The following FCRL3 variants were observed in gnomAD, a reference collection of about 807,000 sequenced individuals.
FCRL3 encodes the protein Fc receptor-like protein 3.
FCRL3 carries 89 observed loss-of-function variants against 75.0 expected under a neutral mutation model. That is an observed-to-expected ratio of 1.19 (90% CI 1.00 to 1.42). The LOEUF (loss-of-function observed/expected upper bound fraction) is 1.42, where lower values mean the gene tolerates loss of function less well. Among genes scored for constraint, FCRL3 ranks in the 40% most tolerant of loss-of-function variants. FCRL3 has a pLI of 0.00. For missense variants in FCRL3, 946 were observed against 880.0 expected (o/e 1.07, Z -0.95); for synonymous variants, 376 against 348.5 (o/e 1.08, Z -0.88).
rs1467228691 is a variant in FCRL3, at chr1:157,695,627, T to A, written c.1133-20A>T. The A allele has an allele frequency of 6.3e-7, 1 of 1,578,062 alleles. No individual in the cohort carries two copies. Among genetic ancestry groups the A allele is most frequent in the African/African-American group, 1.4e-5 (1 of 73,836 alleles). On this transcript the variant is annotated intron_variant, in intron 7 of 14. Coordinates refer to ENST00000368184, the MANE Select transcript of FCRL3 (RefSeq NM_052939.4). The stretch of plus-strand genomic sequence containing the variant: ...CCGGAACTGAAGGAGACAAAAGGGC[T>A]GTCAGAGGATTCTGACGTTGTGACA...
chr1:157,676,798 T>A lies in FCRL3; in HGVS notation c.*1912A>T, dbSNP rs775586685. 4.1e-5 allele frequency: 63 copies of A among 1,549,678 alleles called. No homozygotes were observed. The highest frequency in any genetic ancestry group is 5.1e-5 in the Non-Finnish European group (58 of 1,146,620). On this transcript the variant is annotated 3_prime_UTR_variant, in exon 15 of 15. Coordinates refer to ENST00000368184, the MANE Select transcript of FCRL3 (RefSeq NM_052939.4). ...AAAATGGATAAACAATGATAAGAGATGACAGGTCCCTTAGAGAAAGTTCAC... is the reference window on the plus strand; with the variant it reads ...AAAATGGATAAACAATGATAAGAGAAGACAGGTCCCTTAGAGAAAGTTCAC...
intron 8 of FCRL3, among the ~76,000 whole-genome samples, chr1:157,693,274 C>CA (rs375572340): frequency 0.34 from 18,172 of 53,952 alleles, 2,577 homozygotes; most frequent in Non-Finnish European, 0.39. Context: ...GACTCCATCT[C>CA]AAAAAAAAAA....
intron 9 of FCRL3, 21 bp from the exon 10 acceptor site, chr1:157,689,938 T>C (rs2101607535): frequency 6.2e-7 from 1 of 1,612,726 alleles, no homozygotes; most frequent in Non-Finnish European, 8.5e-7. Context: ...GGAGCTGTAC[T>C]TGAGTTTCAG....
At chr1:157,697,535 G>T in intron 5 of FCRL3, 111 bp from the exon 6 acceptor site, 2 of 1,462,348 alleles carry the variant, frequency 1.4e-6, no homozygotes, top group Non-Finnish European at 1.8e-6. Flanking sequence ...CATGCAGAAG[G>T]AACCATCTCC....
At chr1:157,698,741 G>A in intron 3 of FCRL3, 112 bp from the exon 4 acceptor site, 1 of 1,076,058 alleles carries the variant, frequency 9.3e-7, no homozygotes, top group Non-Finnish European at 1.3e-6. Context: ...TTCCAGTCAG[G>A]ACCAGGGTGG....
chr1:157,681,324 G>T (rs1654826253), intron 11 of FCRL3, among the ~76,000 whole-genome samples: 1 of 151,334 alleles, frequency 6.6e-6, no homozygotes, highest in Non-Finnish European at 1.5e-5. Context: ...TATGTGCCAT[G>T]CTGGTGTCCT....
At position 157,678,508 on chromosome 1, in the gene FCRL3, T is replaced by G. The variant is rs1218870069; in HGVS notation, c.*202A>C. ...TCCACTGTGAAAATAACACAGTGCT[T>G]GCTCAGAGGCTGCCTGCTCTCTTCC... On this transcript the variant is annotated 3_prime_UTR_variant, in exon 15 of 15. Transcript: ENST00000368184. 1 of 1,419,786 alleles carries G rather than the reference T, an allele frequency of 7.0e-7. No homozygotes were observed. The highest frequency in any genetic ancestry group is 1.4e-5 in the African/African-American group (1 of 69,392). The allele number at this position is 1,419,786 out of a possible 1,614,324, so 87.9% of individuals were successfully genotyped here. A position where few individuals can be genotyped will look rare whatever the true frequency, so the allele number is the denominator to read the frequency against.
At chr1:157,699,203 C>T (rs2210913) in intron 3 of FCRL3, among the ~76,000 whole-genome samples, 84,079 of 152,006 alleles carry the variant, frequency 0.55, 25,957 homozygotes, top group African/African-American at 0.85. Flanking sequence ...GATGGGTTGC[C>T]TGAGAAGTCA....
intron 8 of FCRL3, chr1:157,691,638 G>A (rs1655550621): frequency 6.6e-6 from 1 of 152,186 alleles, no homozygotes; most frequent in African/African-American, 2.4e-5. Flanking sequence ...CTTCTGTATA[G>A]CCTCTAAATA....
intron 11 of FCRL3, 51 bp downstream of exon 11, chr1:157,683,166 C>T: frequency 6.3e-7 from 1 of 1,589,704 alleles, no homozygotes; most frequent in Non-Finnish European, 8.6e-7. Context: ...AAGTCTCGTG[C>T]ATATAAATAA....
intron 10 of FCRL3, among the ~76,000 whole-genome samples, chr1:157,687,378 A>C (rs1352851299): frequency 7.1e-6 from 1 of 140,256 alleles, no homozygotes; most frequent in Non-Finnish European, 1.5e-5. Flanking sequence ...AGGGGTTTGG[A>C]GATTTCTCAA....
At chr1:157,693,516 A>G (rs970560180) in intron 8 of FCRL3, among the ~76,000 whole-genome samples, 1 of 152,184 alleles carries the variant, frequency 6.6e-6, no homozygotes, top group Non-Finnish European at 1.5e-5. Context: ...AGTAACAGAC[A>G]CTAAAACTAA....
chr1:157,683,139 TA>T (rs141977401), intron 11 of FCRL3, 77 bp downstream of exon 11: 387,214 of 1,479,376 alleles, frequency 0.26, 50,563 homozygotes, highest in Middle Eastern at 0.37. Flanking sequence ...CATTGAAATT[TA>T]AAAAAAAACA....
rs144282361 is a variant in FCRL3 at position 157,700,499 on chromosome 1, C to T, written c.-10G>A. On this transcript the variant is annotated 5_prime_UTR_variant, in exon 2 of 15. Coordinates refer to ENST00000368184, the MANE Select transcript of FCRL3 (RefSeq NM_052939.4). ...GCAGCCACAGAAGCATGGGCACCGG[C>T]CGGGCAGAGGGTTGGGAAAGTCTGT... 1.3e-3 allele frequency: 2,070 copies of T among 1,613,964 alleles called. 14 individuals are homozygous for T. Among genetic ancestry groups the T allele is most frequent in the African/African-American group, 0.011 (850 of 74,982 alleles).
intron 7 of FCRL3, 105 bp downstream of exon 7, chr1:157,695,935 C>T (rs1369778021): frequency 1.3e-5 from 2 of 149,034 alleles, no homozygotes; most frequent in African/African-American, 3.3e-5. Context: ...CCACCCCCCT[C>T]CCCTCCCTCC....
At position 157,677,854 on chromosome 1, in the gene FCRL3, T is replaced by G; in HGVS notation, c.*856A>C. 1 of 682,642 alleles carries G rather than the reference T, an allele frequency of 1.5e-6. No individual in the cohort carries two copies. Among genetic ancestry groups the G allele is most frequent in the Non-Finnish European group, 1.8e-6 (1 of 554,304 alleles). The allele number at this position is 682,642 out of a possible 1,614,324, so 42.3% of individuals were successfully genotyped here. ...TAGGAGAGCATGGGAATAATGAACA[T>G]GAGATTTAGAATGGTTTTTTATCAG... On this transcript the variant is annotated 3_prime_UTR_variant, in exon 15 of 15. Coordinates refer to ENST00000368184, the MANE Select transcript of FCRL3 (RefSeq NM_052939.4).
chr1:157,695,146 A>G (rs1258924631), intron 8 of FCRL3, among the ~76,000 whole-genome samples, 183 bp downstream of exon 8: 1 of 152,246 alleles, frequency 6.6e-6, no homozygotes. Context: ...GGAATTAAAA[A>G]AAGGAATGGT....
Position 157,697,393 on chromosome 1 carries a change from G to T in FCRL3, c.591C>A (p.Ser197Arg). 2 of 1,560,486 alleles carry T rather than the reference G, an allele frequency of 1.3e-6. No homozygotes were observed. The highest frequency in any genetic ancestry group is 1.7e-6 in the Non-Finnish European group (2 of 1,157,628). The part of the protein sequence containing the change: ...ELFLHPVLRA[S>R]SSTPIEGSPM... ...GACTCCCCTCTATGGGCGTGGAAGA[G>T]CTGGCTCTCAGCACAGGATGTAGAA... Residue 197 changes from serine (S) to arginine (R), a missense_variant, in exon 6 of 15, where the codon AGC becomes AGA. Coordinates refer to ENST00000368184, the MANE Select transcript of FCRL3 (RefSeq NM_052939.4).
chr1:157,684,932 A>C (rs1388769135), intron 10 of FCRL3, among the ~76,000 whole-genome samples: 4 of 152,144 alleles, frequency 2.6e-5, no homozygotes, highest in African/African-American at 9.7e-5. Context: ...GAGAAGGGAG[A>C]CTTTGCTATG....
Sources: allele counts gnomAD v4.1 joint callset (sites outside exome capture counted in the v4.1 genomes callset), GRCh38; gene constraint gnomAD v4.1.1; transcripts MANE v1.5; gene names NCBI Gene and HGNC (gene_info 2026-07-23, HGNC 2026-07-21).